CNBD1: variants seen among roughly 807,000 people sequenced by gnomAD.
CNBD1 encodes the protein cyclic nucleotide binding domain containing 1, also known as cyclic nucleotide-binding domain-containing protein 1.
CNBD1 carries 71 observed loss-of-function variants against 54.4 expected under a neutral mutation model. The observed-to-expected ratio is 1.30, with a 90% CI of 1.08 to 1.59. CNBD1 has a LOEUF of 1.59. Ranked by LOEUF, CNBD1 falls within the 40% of genes most tolerant of loss-of-function variation. The pLI is 0.00. For missense variants in CNBD1, 659 were observed against 518.0 expected, an observed-to-expected ratio of 1.27 and a Z score of -2.64; for synonymous variants, 182 against 170.7, an observed-to-expected ratio of 1.07 and a Z score of -0.51.
intron 4 of CNBD1, among the ~76,000 whole-genome samples, chr8:87,197,556 T>C (rs527451818): frequency 6.6e-6 from 1 of 152,230 alleles, no homozygotes; most frequent in African/African-American, 2.4e-5. Context: ...AATGGGTGTT[T>C]CTAGCACTTC....
chr8:87,346,408 T>G (rs1810176930), intron 8 of CNBD1, among the ~76,000 whole-genome samples: 1 of 152,002 alleles, frequency 6.6e-6, no homozygotes, highest in Non-Finnish European at 1.5e-5. Flanking sequence ...ATTAATTTAA[T>G]AATACTTTTA....
At chr8:87,420,823 C>T (rs1478523635) in intron 2 of CNBD1, among the ~76,000 whole-genome samples, 1 of 150,808 alleles carries the variant, frequency 6.6e-6, no homozygotes, top group African/African-American at 2.4e-5. Context: ...AAATTAACCT[C>T]ATTAATTCAT....
rs1348149395 is a variant in CNBD1, at chr8:87,225,225, T to G, written c.578-11694T>G. 4.7e-5 allele frequency among the ~76,000 whole-genome samples: 7 copies of G among 147,742 alleles called. No homozygotes were observed. The East Asian group carries it at 1.4e-3, about 30-fold the overall frequency. ...TTGACTTCCTCTTTTCCTAATTGAATACCCTTTATTTCCTTCTCCTGCCTA... is the reference window on the plus strand; with the variant it reads ...TTGACTTCCTCTTTTCCTAATTGAAGACCCTTTATTTCCTTCTCCTGCCTA... On this transcript the variant is annotated intron_variant, in intron 5 of 10. Transcript: ENST00000518476.
intron 8 of CNBD1, among the ~76,000 whole-genome samples, chr8:87,297,634 T>C (rs1808904758): frequency 6.6e-6 from 1 of 152,208 alleles, no homozygotes; most frequent in Admixed American, 6.5e-5. Flanking sequence ...GTTTTTCTTA[T>C]TCTGACGTTT....
At chr8:87,154,999 G>A (rs926787696) in intron 4 of CNBD1, among the ~76,000 whole-genome samples, 2 of 152,172 alleles carry the variant, frequency 1.3e-5, no homozygotes, top group Non-Finnish European at 1.5e-5. Flanking sequence ...CTCTTGGAGT[G>A]TGCTGCCAGC....
chr8:87,294,450 G>C (rs1325192417), intron 8 of CNBD1, among the ~76,000 whole-genome samples: 1 of 152,068 alleles, frequency 6.6e-6, no homozygotes, highest in Non-Finnish European at 1.5e-5. Flanking sequence ...GGGTTGAAAG[G>C]GACCTGTGCT....
At chr8:87,330,093 C>G (rs1224871981) in intron 8 of CNBD1, among the ~76,000 whole-genome samples, 2 of 151,642 alleles carry the variant, frequency 1.3e-5, no homozygotes, top group African/African-American at 4.8e-5. Flanking sequence ...GGCTTTTAAT[C>G]TAGTTTTTAA....
At chr8:87,378,869 T>C (rs180712978) in intron 10 of CNBD1, among the ~76,000 whole-genome samples, 1 of 149,432 alleles carries the variant, frequency 6.7e-6, no homozygotes, top group African/African-American at 2.5e-5. Context: ...AGGTCCTTCA[T>C]ATCCCTTGTA....
intron 4 of CNBD1, among the ~76,000 whole-genome samples, chr8:86,992,970 C>T (rs1485620348): frequency 6.6e-6 from 1 of 152,054 alleles, no homozygotes; most frequent in African/African-American, 2.4e-5. Context: ...CAGAGGTTCT[C>T]TGTATTTCTT....
rs201368838 is a variant in CNBD1, at chr8:86,943,559, T to C, written c.431+3805T>C. Among the ~76,000 whole-genome samples, 20 of 152,004 alleles carry C rather than the reference T, an allele frequency of 1.3e-4. No homozygotes were observed. In the East Asian group the frequency reaches 3.3e-3, roughly 25 times the overall value. On this transcript the variant is annotated intron_variant, in intron 4 of 10. Coordinates refer to ENST00000518476, the MANE Select transcript of CNBD1 (RefSeq NM_173538.3). ...AAATAATTTTGAAACATTAAAATCA[T>C]TGGGAGAGGCATTAAAATCATGGGG...
intron 8 of CNBD1, among the ~76,000 whole-genome samples, chr8:87,300,459 G>A (rs180686224): frequency 4.6e-5 from 7 of 152,150 alleles, no homozygotes; most frequent in Admixed American, 2.0e-4. Context: ...GCATTGTTCA[G>A]GTAGAAACTA....
intron 10 of CNBD1, among the ~76,000 whole-genome samples, chr8:87,372,639 G>C (rs1024093750): frequency 6.6e-6 from 1 of 151,632 alleles, no homozygotes; most frequent in African/African-American, 2.4e-5. Flanking sequence ...TAGCTTTTTT[G>C]TTACATAATA....
chr8:86,962,421 C>G (rs1396908345), intron 4 of CNBD1, among the ~76,000 whole-genome samples: 1 of 152,052 alleles, frequency 6.6e-6, no homozygotes, highest in Non-Finnish European at 1.5e-5. Context: ...TGCCAAATGG[C>G]CATTTGAATT....
intron 4 of CNBD1, among the ~76,000 whole-genome samples, chr8:87,102,813 A>G (rs1811458024): frequency 6.6e-6 from 1 of 151,944 alleles, no homozygotes; most frequent in East Asian, 1.9e-4. Flanking sequence ...ACGGGGTTTC[A>G]CTGTATTAGC....
chr8:87,014,264 A>G (rs957648708), intron 4 of CNBD1, among the ~76,000 whole-genome samples: 3 of 88,764 alleles, frequency 3.4e-5, no homozygotes, highest in African/African-American at 1.3e-4. Flanking sequence ...ATGTCTTTAG[A>G]ATTGTTAGCA....
intron 2 of CNBD1, among the ~76,000 whole-genome samples, chr8:87,416,887 A>C (rs1807846581): frequency 6.6e-6 from 1 of 152,068 alleles, no homozygotes; most frequent in East Asian, 1.9e-4. Context: ...CAACAAACTT[A>C]ATTCTGCACC....
At chr8:87,319,179 TTTAGAATAACACTAG>T (rs1809465883) in intron 8 of CNBD1, among the ~76,000 whole-genome samples, 1 of 152,018 alleles carries the variant, frequency 6.6e-6, no homozygotes, top group Non-Finnish European at 1.5e-5. Flanking sequence ...TGATTTCACA[TTTAGAATAACACTAG>T]TTACCTTCAA....
chr8:87,332,146 G>A (rs113101413), intron 8 of CNBD1, among the ~76,000 whole-genome samples: 2,649 of 152,156 alleles, frequency 0.017, 76 homozygotes, highest in African/African-American at 0.058. Flanking sequence ...TCAGGAGTTC[G>A]AGATCAGCCT....
At chr8:86,971,791 T>C (rs1248542392) in intron 4 of CNBD1, among the ~76,000 whole-genome samples, 1 of 152,170 alleles carries the variant, frequency 6.6e-6, no homozygotes, top group African/African-American at 2.4e-5. Flanking sequence ...TAGCTCTCTC[T>C]ATATTTGTAA....
Sources: gnomAD v4.1 joint callset for allele counts (sites outside exome capture counted in the v4.1 genomes callset) on GRCh38, gnomAD v4.1.1 for gene constraint, MANE v1.5 for transcripts, NCBI Gene and HGNC (gene_info 2026-07-23, HGNC 2026-07-21) for gene names.